The following SLC66A3 variants were observed in gnomAD, a reference collection of about 807,000 sequenced individuals.
SLC66A3 encodes solute carrier family 66 member 3.
SLC66A3 carries 23 observed loss-of-function variants against 25.5 expected under a neutral mutation model. The ratio of observed to expected loss-of-function variants is 0.90; its 90% CI spans 0.65 to 1.28. SLC66A3 has a LOEUF of 1.28. SLC66A3 is among the 50% of genes most tolerant of loss of function. The pLI, the probability that SLC66A3 is intolerant of heterozygous loss-of-function variation, is 0.00. For synonymous variants in SLC66A3, 108 were observed against 112.6 expected, an observed-to-expected ratio of 0.96 and a Z score of 0.26; for missense variants, 246 against 262.1, an observed-to-expected ratio of 0.94 and a Z score of 0.42.
chr2:11,164,892 T>G (rs1286291489), intron 4 of SLC66A3, among the ~76,000 whole-genome samples: 3 of 152,224 alleles, frequency 2.0e-5, no homozygotes, highest in Non-Finnish European at 2.9e-5. Flanking sequence ...GGCAGAAGAA[T>G]TTTTCTTAGT....
intron 5 of SLC66A3, among the ~76,000 whole-genome samples, chr2:11,174,147 A>G (rs1229933894): frequency 3.3e-5 from 5 of 152,092 alleles, no homozygotes; most frequent in Non-Finnish European, 7.4e-5. Flanking sequence ...TAATAGAGAC[A>G]GGGTCTCACC....
chr2:11,171,797 T>C, intron 4 of SLC66A3, 128 bp from the exon 5 acceptor site: 1 of 863,544 alleles, frequency 1.2e-6, no homozygotes, highest in Non-Finnish European at 1.8e-6. Context: ...CTCGATCTCC[T>C]GACCTCATGA....
At chr2:11,171,629 C>T (rs1662556063) in intron 4 of SLC66A3, among the ~76,000 whole-genome samples, 1 of 151,964 alleles carries the variant, frequency 6.6e-6, no homozygotes, top group Non-Finnish European at 1.5e-5. Flanking sequence ...AGTGCAGTGG[C>T]ACGATCTCAA....
intron 1 of SLC66A3, among the ~76,000 whole-genome samples, chr2:11,159,260 CT>C (rs1312137646): frequency 6.6e-6 from 1 of 152,184 alleles, no homozygotes; most frequent in Non-Finnish European, 1.5e-5. Flanking sequence ...GCCAGCCCCC[CT>C]GGGCTCAATC....
At position 11,155,554 on chromosome 2, in the gene SLC66A3, C is replaced by A. The variant is rs1416834584; in HGVS notation, c.8C>A (p.Ala3Glu). The A allele has an allele frequency of 3.3e-6, 5 of 1,500,416 alleles. No homozygotes were observed. The highest frequency in any genetic ancestry group is 4.4e-6 in the Non-Finnish European group (5 of 1,133,730). The allele number at this position is 1,500,416 out of a possible 1,614,324, so 92.9% of individuals were successfully genotyped here. The change falls in exon 1 of 7, where the codon GCG becomes GAG. Residue 3 changes from alanine to glutamate, a missense_variant. Coordinates refer to ENST00000295083, the MANE Select transcript of SLC66A3 (RefSeq NM_152391.5). ME[A>E]ALLGLCNWST... ...GCCCGCGCCCGTGGCGCTATGGAGG[C>A]GGCGCTGCTGGGGCTGTGTAACTGG... is the stretch of plus-strand genomic sequence containing the variant.
At position 11,178,466 on chromosome 2, in the gene SLC66A3, T is replaced by A. The variant is rs936833360; in HGVS notation, c.*638T>A. On this transcript the variant is annotated 3_prime_UTR_variant, in exon 7 of 7. Transcript: ENST00000295083. ...TTAAGTAATTACTAACAAAAGGTAC[T>A]AGGATTAGCTGCAATCTCTACTTTC... 1 of 152,656 alleles carries A rather than the reference T, an allele frequency of 6.6e-6. No homozygotes were observed. Among genetic ancestry groups the A allele is most frequent in the African/African-American group, 2.4e-5 (1 of 41,456 alleles). 9.5% of individuals were successfully genotyped at this position (152,656 alleles called of 1,614,324 possible). A position where few individuals can be genotyped will look rare whatever the true frequency, so the allele number is the denominator to read the frequency against.
chr2:11,177,941 T>A lies in SLC66A3; in HGVS notation c.*113T>A. 1 of 684,440 alleles carries A rather than the reference T, an allele frequency of 1.5e-6. No homozygotes were observed. The highest frequency in any genetic ancestry group is 2.4e-6 in the Non-Finnish European group (1 of 411,542). 42.4% of individuals were successfully genotyped at this position (684,440 alleles called of 1,614,324 possible). On this transcript the variant is annotated 3_prime_UTR_variant, in exon 7 of 7. Transcript: ENST00000295083. ...ATTTAGTAAATCAGTTTATAATCTT[T>A]AAAGCCAAAGGTTTTTTTAGACTTG...
intron 4 of SLC66A3, among the ~76,000 whole-genome samples, chr2:11,165,224 C>T (rs1433993891): frequency 3.3e-5 from 5 of 151,294 alleles, no homozygotes; most frequent in Non-Finnish European, 7.4e-5. Flanking sequence ...ACTTCCCAGA[C>T]GGGCTGGCTG....
chr2:11,171,790 G>C, intron 4 of SLC66A3, 135 bp from the exon 5 acceptor site: 2 of 790,570 alleles, frequency 2.5e-6, no homozygotes, highest in Non-Finnish European at 4.0e-6. Context: ...GGATGGTCTC[G>C]ATCTCCTGAC....
chr2:11,168,889 A>G (rs1382631711), intron 4 of SLC66A3, among the ~76,000 whole-genome samples: 1 of 151,132 alleles, frequency 6.6e-6, no homozygotes, highest in Non-Finnish European at 1.5e-5. Flanking sequence ...ACAGAGTCTG[A>G]CCCTGTTGTT....
chr2:11,164,343 A>ATTTTTTTTTTTTTTTTT (rs1323751814), intron 4 of SLC66A3, 82 bp downstream of exon 4: 1 of 112,616 alleles, frequency 8.9e-6, no homozygotes, highest in African/African-American at 4.8e-5. Flanking sequence ...ATATATATAT[A>ATTTTTTTTTTTTTTTTT]TATTTTTTTT....
intron 4 of SLC66A3, among the ~76,000 whole-genome samples, chr2:11,171,569 T>C (rs1037726753): frequency 6.6e-6 from 1 of 151,794 alleles, no homozygotes; most frequent in African/African-American, 2.4e-5. Context: ...TATCTCGTGC[T>C]CTTTTGCTTT....
intron 3 of SLC66A3, among the ~76,000 whole-genome samples, chr2:11,161,459 G>A (rs535504509): frequency 8.6e-5 from 13 of 152,032 alleles, no homozygotes; most frequent in African/African-American, 3.1e-4. Flanking sequence ...ACCACACCCA[G>A]TTAATTTTTA....
intron 5 of SLC66A3, 122 bp from the exon 6 acceptor site, chr2:11,174,846 T>A (rs948584785): frequency 3.5e-5 from 20 of 564,886 alleles, no homozygotes; most frequent in Admixed American, 1.8e-4. Context: ...AAAAAAAGAA[T>A]AAAAATAATT....
chr2:11,177,729 T>C lies in SLC66A3; in HGVS notation c.518-8T>C, dbSNP rs751236104. ...ACAGTTTTTAATACACTTTTTTTTT[T>C]ATTTCAGTTCTTCTACGTTTTGTGA... On this transcript the variant is annotated splice_polypyrimidine_tract_variant and splice_region_variant and intron_variant, in intron 6 of 6. Coordinates refer to ENST00000295083, the MANE Select transcript of SLC66A3 (RefSeq NM_152391.5). 1.3e-6 allele frequency: 2 copies of C among 1,585,894 alleles called. No individual in the cohort carries two copies. The highest frequency in any genetic ancestry group is 1.3e-5 in the African/African-American group (1 of 74,442).
At chr2:11,176,591 G>C (rs1349413950) in intron 6 of SLC66A3, among the ~76,000 whole-genome samples, 9 of 105,838 alleles carry the variant, frequency 8.5e-5, no homozygotes, top group South Asian at 3.8e-4. Context: ...TGCAGTGGCG[G>C]GATCTCGGCT....
chr2:11,155,863 G>GGCCACCC (rs1281401361), intron 1 of SLC66A3, among the ~76,000 whole-genome samples, 174 bp downstream of exon 1: 56 of 152,288 alleles, frequency 3.7e-4, no homozygotes, highest in African/African-American at 1.3e-3. Flanking sequence ...CTCTTCCCAC[G>GGCCACCC]GCCACCCGCC....
intron 6 of SLC66A3, among the ~76,000 whole-genome samples, chr2:11,176,180 T>C (rs1272771674): frequency 1.3e-5 from 2 of 152,210 alleles, no homozygotes; most frequent in Non-Finnish European, 2.9e-5. Flanking sequence ...TGACAGCTGT[T>C]CTTGAAAGTG....
At chr2:11,160,805 A>C in intron 3 of SLC66A3, 111 bp downstream of exon 3, 2 of 313,026 alleles carry the variant, frequency 6.4e-6, no homozygotes, top group Non-Finnish European at 8.4e-6. Context: ...TTAAACTAAA[A>C]AAAAAAAAAA....
Sources: gnomAD v4.1 joint callset for allele counts (sites outside exome capture counted in the v4.1 genomes callset) on GRCh38, gnomAD v4.1.1 for gene constraint, MANE v1.5 for transcripts, NCBI Gene and HGNC (gene_info 2026-07-23, HGNC 2026-07-21) for gene names.